The following CADM2 variants were observed in gnomAD, a reference collection of about 807,000 sequenced individuals.
CADM2 encodes immunoglobulin superfamily member 4D.
CADM2 carries 12 observed loss-of-function variants against 49.8 expected under a neutral mutation model. The observed-to-expected ratio is 0.24, with a 90% confidence interval of 0.15 to 0.39. The LOEUF is 0.39. Ranked by LOEUF, CADM2 falls within the 10% of genes least tolerant of loss-of-function variation. The pLI is 1.00. For synonymous variants in CADM2, 214 were observed against 175.4 expected, an observed-to-expected ratio of 1.22 and a Z score of -1.74; for missense variants, 378 against 492.3, an observed-to-expected ratio of 0.77 and a Z score of 2.20.
chr3:85,390,930 T>A (rs1362499409), intron 1 of CADM2, among the ~76,000 whole-genome samples: 1 of 152,024 alleles, frequency 6.6e-6, no homozygotes, highest in Non-Finnish European at 1.5e-5. Flanking sequence ...CTTGTATTCA[T>A]GTGATGGTAG....
intron 1 of CADM2, among the ~76,000 whole-genome samples, chr3:85,151,318 T>C (rs1170441326): frequency 6.6e-6 from 1 of 152,176 alleles, no homozygotes; most frequent in Non-Finnish European, 1.5e-5. Flanking sequence ...TGAATGATTG[T>C]GTACTTTTTT....
At chr3:85,340,129 T>C (rs539456809) in intron 1 of CADM2, among the ~76,000 whole-genome samples, 3 of 151,646 alleles carry the variant, frequency 2.0e-5, no homozygotes, top group African/African-American at 7.2e-5. Flanking sequence ...ATTTGAATCA[T>C]AGGTTAAAAA....
chr3:85,414,983 A>C (rs887389991), intron 1 of CADM2, among the ~76,000 whole-genome samples: 23 of 152,196 alleles, frequency 1.5e-4, no homozygotes, highest in Admixed American at 1.3e-3. Context: ...AAAGTAAATC[A>C]CGCAAAATGG....
chr3:85,030,466 T>TTAA (rs1559625313), intron 1 of CADM2, among the ~76,000 whole-genome samples: 1 of 152,216 alleles, frequency 6.6e-6, no homozygotes, highest in Admixed American at 6.5e-5. Context: ...CAACTGTTTA[T>TTAA]TGATCATTAC....
intron 2 of CADM2, among the ~76,000 whole-genome samples, chr3:85,790,778 G>A (rs752379538): frequency 5.3e-5 from 8 of 152,142 alleles, no homozygotes; most frequent in Admixed American, 2.0e-4. Flanking sequence ...GCAAGACCCA[G>A]CTGCCAGCCA....
chr3:85,587,273 G>A (rs2062971426), intron 1 of CADM2, among the ~76,000 whole-genome samples: 1 of 151,996 alleles, frequency 6.6e-6, no homozygotes, highest in Admixed American at 6.6e-5. Context: ...AAAATACAGT[G>A]ACCCAAGTCA....
At chr3:85,811,646 A>G (rs1224085622) in intron 3 of CADM2, among the ~76,000 whole-genome samples, 2 of 152,198 alleles carry the variant, frequency 1.3e-5, no homozygotes, top group Non-Finnish European at 2.9e-5. Context: ...GGCAAAACAT[A>G]CAGAATTAGC....
intron 1 of CADM2, among the ~76,000 whole-genome samples, chr3:85,653,307 G>C (rs1174479724): frequency 6.8e-6 from 1 of 147,722 alleles, no homozygotes; most frequent in Non-Finnish European, 1.5e-5. Context: ...CCAATAAAAA[G>C]GTGATTGAAA....
At chr3:85,791,966 G>T (rs1297439950) in intron 2 of CADM2, among the ~76,000 whole-genome samples, 1 of 152,028 alleles carries the variant, frequency 6.6e-6, no homozygotes, top group Non-Finnish European at 1.5e-5. Context: ...CTTGTGATCC[G>T]CCCACCTCGG....
chr3:85,568,449 T>TTCTCTTTCTCTC (rs750571484), intron 1 of CADM2, among the ~76,000 whole-genome samples: 33 of 27,710 alleles, frequency 1.2e-3, no homozygotes, highest in Admixed American at 3.0e-3. Flanking sequence ...CTTTCTTTCT[T>TTCTCTTTCTCTC]TCTTTCTTTC....
At chr3:85,432,713 T>C (rs1397813608) in intron 1 of CADM2, among the ~76,000 whole-genome samples, 1 of 152,166 alleles carries the variant, frequency 6.6e-6, no homozygotes, top group East Asian at 1.9e-4. Flanking sequence ...GTCAGTAACA[T>C]ATATTTTCTA....
At chr3:84,989,193 G>A (rs1332951914) in intron 1 of CADM2, among the ~76,000 whole-genome samples, 2 of 152,106 alleles carry the variant, frequency 1.3e-5, no homozygotes, top group African/African-American at 4.8e-5. Context: ...TTATCTTTGT[G>A]TGAAATGGCA....
intron 1 of CADM2, among the ~76,000 whole-genome samples, chr3:85,059,318 T>TAA (rs200486059): frequency 1.5e-4 from 22 of 144,438 alleles, no homozygotes; most frequent in Middle Eastern, 3.6e-3. Context: ...AATAAAAAAA[T>TAA]AAAAAAAAAA....
At chr3:85,068,457 C>A (rs930297561) in intron 1 of CADM2, among the ~76,000 whole-genome samples, 6 of 152,064 alleles carry the variant, frequency 3.9e-5, no homozygotes, top group Non-Finnish European at 8.8e-5. Context: ...AAGTTGAATT[C>A]TGAGGTTGAA....
At chr3:85,027,109 C>CTTTTCTTTTTTTTTTTTT (rs1317386284) in intron 1 of CADM2, among the ~76,000 whole-genome samples, 1 of 55,690 alleles carries the variant, frequency 1.8e-5, no homozygotes, top group African/African-American at 9.7e-5. Flanking sequence ...TTTCTTTTTC[C>CTTTTCTTTTTTTTTTTTT]TTTTTTTTTT....
chr3:85,009,359 G>C (rs2033881253), intron 1 of CADM2, among the ~76,000 whole-genome samples: 1 of 152,142 alleles, frequency 6.6e-6, no homozygotes, highest in African/African-American at 2.4e-5. Context: ...ATCTGTTCAA[G>C]TTACAGCTCA....
chr3:85,764,552 T>C (rs922851292), intron 2 of CADM2, among the ~76,000 whole-genome samples: 2 of 152,090 alleles, frequency 1.3e-5, no homozygotes, highest in Non-Finnish European at 2.9e-5. Flanking sequence ...CAAGGAGTAT[T>C]TGTTGTTATA....
At chr3:85,486,742 A>G (rs2039432829) in intron 1 of CADM2, among the ~76,000 whole-genome samples, 2 of 152,058 alleles carry the variant, frequency 1.3e-5, no homozygotes, top group Admixed American at 6.6e-5. Flanking sequence ...ATAATGGAAA[A>G]CTCTCAGGAG....
intron 1 of CADM2, among the ~76,000 whole-genome samples, chr3:85,485,844 T>A (rs1033223478): frequency 1.3e-5 from 2 of 152,088 alleles, no homozygotes; most frequent in Admixed American, 1.3e-4. Flanking sequence ...AATTTTGTGA[T>A]GTTTATGGAA....
Sources: allele counts gnomAD v4.1 joint callset (sites outside exome capture counted in the v4.1 genomes callset), GRCh38; gene constraint gnomAD v4.1.1; transcripts MANE v1.5; gene names NCBI Gene and HGNC (gene_info 2026-07-23, HGNC 2026-07-21).